ADGRD2: variants seen among roughly 807,000 people sequenced by gnomAD.
ADGRD2 encodes the protein G protein-coupled receptor PGR24.
ADGRD2 carries 71 observed loss-of-function variants against 44.4 expected under a neutral mutation model. The ratio of observed to expected loss-of-function variants is 1.60; its 90% CI spans 1.32 to 1.95. The LOEUF (loss-of-function observed/expected upper bound fraction) is 1.95. Ranked by LOEUF, ADGRD2 falls within the 30% of genes most tolerant of loss-of-function variation. The pLI is 0.00. For missense variants in ADGRD2, 1,039 were observed against 512.4 expected, an observed-to-expected ratio of 2.03 and a Z score of -9.92; for synonymous variants, 481 against 224.8, an observed-to-expected ratio of 2.14 and a Z score of -10.19.
chr9:124,458,337 G>A, intron 9 of ADGRD2, 101 bp downstream of exon 12: 1 of 656,360 alleles, frequency 1.5e-6, no homozygotes, highest in East Asian at 2.7e-5. Context: ...TAGCAGCCCA[G>A]GGCCCACCCT....
At chr9:124,471,251 C>T (rs949270877) in intron 17 of ADGRD2, among the ~76,000 whole-genome samples, 2 of 152,210 alleles carry the variant, frequency 1.3e-5, no homozygotes, top group Admixed American at 6.5e-5. Flanking sequence ...CGTTTTCCCT[C>T]GACCTCCCTG....
chr9:124,451,231 G>A (rs1264941222), upstream of ADGRD2: 1 of 471,506 alleles, frequency 2.1e-6, no homozygotes, highest in Non-Finnish European at 4.4e-6. Context: ...GAGGCCTGAT[G>A]AAGCAGAACC....
At chr9:124,456,306 C>A (rs1394450624) in intron 6 of ADGRD2, among the ~76,000 whole-genome samples, 2 of 152,222 alleles carry the variant, frequency 1.3e-5, no homozygotes, top group African/African-American at 4.8e-5. Context: ...TGTTGAGCAC[C>A]CATTACAGGT....
chr9:124,466,539 G>T lies in ADGRD2; in HGVS notation c.2026+126G>T, dbSNP rs1221959129. On this transcript the variant is annotated intron_variant, in intron 11 of 21. Coordinates refer to ENST00000334810, the Ensembl canonical transcript of ADGRD2. ...GCTTTCATAGATTGTCGGGGACAGGGCTGCATGCAGTAGTTCATGCCTGTT... is the reference window on the plus strand; with the variant it reads ...GCTTTCATAGATTGTCGGGGACAGGTCTGCATGCAGTAGTTCATGCCTGTT... 27 of 552,316 alleles carry T rather than the reference G, an allele frequency of 4.9e-5. No individual in the cohort carries two copies. The East Asian group carries it at 7.0e-4, about 14-fold the overall frequency. 34.2% of individuals were successfully genotyped at this position (552,316 alleles called of 1,614,324 possible). A position where few individuals can be genotyped will look rare whatever the true frequency, so the allele number is the denominator to read the frequency against.
chr9:124,471,633 A>G (rs1455924478), intron 17 of ADGRD2, among the ~76,000 whole-genome samples: 2 of 152,006 alleles, frequency 1.3e-5, no homozygotes, highest in African/African-American at 4.8e-5. Context: ...ACCACTCCAG[A>G]GTCTGCGTTC....
intron 12 of ADGRD2, 130 bp downstream of exon 15, chr9:124,467,954 G>A (rs1293345410): frequency 2.9e-6 from 2 of 700,284 alleles, no homozygotes; most frequent in African/African-American, 3.5e-5. Flanking sequence ...TCCTTAGGAT[G>A]TGCTGGGTCC....
intron 10 of ADGRD2, among the ~76,000 whole-genome samples, chr9:124,460,891 A>G (rs1157048574): frequency 1.3e-5 from 2 of 152,176 alleles, no homozygotes; most frequent in African/African-American, 2.4e-5. Flanking sequence ...CTGTTCCCCA[A>G]AGTGGTTGAA....
At chr9:124,473,280 T>G (rs111377457) in intron 17 of ADGRD2, among the ~76,000 whole-genome samples, 1 of 152,210 alleles carries the variant, frequency 6.6e-6, no homozygotes, top group African/African-American at 2.4e-5. Context: ...TAGGAGTAAT[T>G]TGTGTCCTTC....
In ADGRD2 at chr9:124,453,615, GGGCGCCCT is replaced by G. The variant is rs1410078434; in HGVS notation, c.865_872del (p.Ala290ArgfsTer32). 2.9e-6 allele frequency: 2 copies of G among 700,952 alleles called. No homozygotes were observed. The highest frequency in any genetic ancestry group is 2.6e-4 in the Middle Eastern group (1 of 3,844). The allele number at this position is 700,952 out of a possible 1,614,324, so 43.4% of individuals were successfully genotyped here. A position where few individuals can be genotyped will look rare whatever the true frequency, so the allele number is the denominator to read the frequency against. On this transcript the variant is annotated frameshift_variant, in exon 3 of 22. Transcript: ENST00000334810. LOFTEE classifies it high-confidence loss of function. ...AGGGCCTGCTCTTCCGCTGGGACCC[GGGCGCCCT>G]GGACGTCACGCCCTCGCTGCTGCCC...
intron 10 of ADGRD2, among the ~76,000 whole-genome samples, chr9:124,464,815 T>TGC (rs1293898764): frequency 5.3e-5 from 8 of 151,792 alleles, no homozygotes; most frequent in Admixed American, 5.3e-4. Flanking sequence ...TGTGTACGTG[T>TGC]GTGTGTATGT....
rs772259656 is a variant in ADGRD2, at chr9:124,468,185, A to G, written c.2230A>G (p.Asn744Asp). 2.4e-5 allele frequency: 17 copies of G among 718,370 alleles called. 1 individual carries two copies. The South Asian group carries it at 2.4e-4, about 10-fold the overall frequency. 44.5% of individuals were successfully genotyped at this position (718,370 alleles called of 1,614,324 possible). A position where few individuals can be genotyped will look rare whatever the true frequency, so the allele number is the denominator to read the frequency against. Reference sequence around the variant, plus strand: ...CATGACCAGCGAGTGGGCCAAGGCCAATGAGGTGGGCAGCCAGTGGGTGGG... The same window carrying G: ...CATGACCAGCGAGTGGGCCAAGGCCGATGAGGTGGGCAGCCAGTGGGTGGG... Residue 744 changes from asparagine (N) to aspartate (D), a missense_variant, in exon 13 of 22, where the codon AAT becomes GAT. Transcript: ENST00000334810.
chr9:124,473,788 G>A (rs1470122130), intron 17 of ADGRD2, among the ~76,000 whole-genome samples: 1 of 152,206 alleles, frequency 6.6e-6, no homozygotes, highest in African/African-American at 2.4e-5. Context: ...GAGGCAGAAT[G>A]GGCCACCTGG....
intron 10 of ADGRD2, among the ~76,000 whole-genome samples, chr9:124,460,752 G>A (rs1167359133): frequency 1.3e-5 from 2 of 152,028 alleles, no homozygotes; most frequent in African/African-American, 4.8e-5. Context: ...TTATGAATAA[G>A]TCTGCTATGA....
chr9:124,472,096 CA>C (rs1166915533), intron 17 of ADGRD2, among the ~76,000 whole-genome samples: 1 of 152,230 alleles, frequency 6.6e-6, no homozygotes, highest in African/African-American at 2.4e-5. Flanking sequence ...TCTCCATCCT[CA>C]CCTGTGCCCC....
At chr9:124,473,441 A>G (rs1365864376) in intron 17 of ADGRD2, among the ~76,000 whole-genome samples, 1 of 152,266 alleles carries the variant, frequency 6.6e-6, no homozygotes, top group Non-Finnish European at 1.5e-5. Flanking sequence ...AAAGGGGATC[A>G]GATTCCCACC....
At chr9:124,468,045 C>A in intron 12 of ADGRD2, 43 bp from the exon 16 acceptor site, 1 of 718,182 alleles carries the variant, frequency 1.4e-6, no homozygotes, top group Non-Finnish European at 2.6e-6. Context: ...GTGTGGGGAC[C>A]AGCAGTGGTG....
Position 124,458,246 on chromosome 9 carries a change from C to A in ADGRD2, c.1764+10C>A, listed in dbSNP as rs944515291. ...CAAACAGGGTGCAGAGGTGAGTAGG[C>A]GCCACCTGGAGGGCTGTGAGGGCCT... On this transcript the variant is annotated intron_variant, in intron 9 of 21. Transcript: ENST00000334810. 1 of 718,174 alleles carries A rather than the reference C, an allele frequency of 1.4e-6. No homozygotes were observed. Among genetic ancestry groups the A allele is most frequent in the Non-Finnish European group, 2.6e-6 (1 of 384,980 alleles). The allele number at this position is 718,174 out of a possible 1,614,324, so 44.5% of individuals were successfully genotyped here. A position where few individuals can be genotyped will look rare whatever the true frequency, so the allele number is the denominator to read the frequency against.
Position 124,470,515 on chromosome 9 carries a change from G to C in ADGRD2, c.2661G>C (p.Leu887=), listed in dbSNP as rs1564143108. Residue 887 remains leucine (L), a synonymous_variant, in exon 17 of 22, where the codon CTG becomes CTC. Coordinates refer to ENST00000334810, the Ensembl canonical transcript of ADGRD2. ...ACAGGGCCACGGTGAAGCCCGTGCT[G>C]GTCCTGCTGCCCGTCCTAGGCCTGA... 3 of 711,176 alleles carry C rather than the reference G, an allele frequency of 4.2e-6. No individual in the cohort carries two copies. The South Asian group carries it at 4.4e-5, about 11-fold the overall frequency. 44.1% of individuals were successfully genotyped at this position (711,176 alleles called of 1,614,324 possible).
Position 124,454,380 on chromosome 9 carries a change from T to C in ADGRD2, c.1023-104T>C, listed in dbSNP as rs1303456878. ...TGGACACACAGCCATCAAGGTGCTCTTCCTTCCCTGGGCAGCACGTGGTGG... is the reference window on the plus strand; with the variant it reads ...TGGACACACAGCCATCAAGGTGCTCCTCCTTCCCTGGGCAGCACGTGGTGG... On this transcript the variant is annotated intron_variant, in intron 4 of 21. Transcript: ENST00000334810. This position sits in a 1 kb window ranked among gnomAD's most constrained non-coding sequence, Gnocchi z 4.5. 5 of 641,252 alleles carry C rather than the reference T, an allele frequency of 7.8e-6. No individual in the cohort carries two copies. Among genetic ancestry groups the C allele is most frequent in the Non-Finnish European group, 1.4e-5 (5 of 345,966 alleles). The allele number at this position is 641,252 out of a possible 1,614,324, so 39.7% of individuals were successfully genotyped here.
Sources: gnomAD v4.1 joint callset for allele counts (sites outside exome capture counted in the v4.1 genomes callset) on GRCh38, gnomAD v4.1.1 for gene constraint, Gnocchi (gnomAD v3.1) non-coding constraint, MANE v1.5 for transcripts, NCBI Gene and HGNC (gene_info 2026-07-23, HGNC 2026-07-21) for gene names.